ARHGAP25: variants seen among roughly 807,000 people sequenced by gnomAD.
The protein encoded by ARHGAP25 is rho GTPase-activating protein 25.
Under a neutral mutation model 71.0 loss-of-function variants are expected in ARHGAP25, and 34 were observed. The ratio of observed to expected loss-of-function variants is 0.48; its 90% CI spans 0.36 to 0.64. The LOEUF (loss-of-function observed/expected upper bound fraction) is 0.64, where lower values mean the gene tolerates loss of function less well. Ranked by LOEUF, ARHGAP25 falls within the 30% of genes least tolerant of loss-of-function variation. The probability of loss-of-function intolerance (pLI) is 0.00; values close to 1 mark genes in which losing one functional copy is unlikely to be tolerated. For synonymous variants in ARHGAP25, 282 were observed against 296.5 expected, an observed-to-expected ratio of 0.95 and a Z score of 0.50; for missense variants, 706 against 805.1, an observed-to-expected ratio of 0.88 and a Z score of 1.49.
chr2:68,805,726 G>A (rs1327726864), intron 4 of ARHGAP25, among the ~76,000 whole-genome samples: 1 of 152,172 alleles, frequency 6.6e-6, no homozygotes, highest in African/African-American at 2.4e-5. Flanking sequence ...CAAGAGCCTG[G>A]TACAGCTCTA....
chr2:68,778,299 A>G (rs1388743999), intron 2 of ARHGAP25, among the ~76,000 whole-genome samples: 1 of 152,172 alleles, frequency 6.6e-6, no homozygotes, highest in African/African-American at 2.4e-5. Flanking sequence ...TGTCCATAAC[A>G]TTACTGTCTT....
intron 4 of ARHGAP25, among the ~76,000 whole-genome samples, chr2:68,806,671 A>G (rs746810428): frequency 2.2e-4 from 34 of 152,246 alleles, no homozygotes; most frequent in Non-Finnish European, 4.6e-4. Flanking sequence ...ACTCAGAATG[A>G]CATGCAATTT....
rs764830097 is a variant in ARHGAP25, at chr2:68,822,689, C to G, written c.1550C>G (p.Ala517Gly). 1.2e-6 allele frequency: 2 copies of G among 1,614,028 alleles called. No homozygotes were observed. The highest frequency in any genetic ancestry group is 3.3e-5 in the Admixed American group (2 of 60,002). The change falls in exon 10 of 11, where the codon GCC becomes GGC. Residue 517 changes from alanine to glycine, a missense_variant. By Grantham distance (60) the Ala-to-Gly change is moderately conservative. Transcript: ENST00000409202. ...PSLPGSPGEE[A>G]SALSSQACDS... ...CTGCCAGGGTCCCCTGGGGAGGAAGCCAGTGCACTCTCTTCCCAAGCCTGT... is the reference window on the plus strand; with the variant it reads ...CTGCCAGGGTCCCCTGGGGAGGAAGGCAGTGCACTCTCTTCCCAAGCCTGT...
intron 9 of ARHGAP25, among the ~76,000 whole-genome samples, chr2:68,821,676 G>T (rs1681681080): frequency 6.6e-6 from 1 of 152,100 alleles, no homozygotes; most frequent in African/African-American, 2.4e-5. Flanking sequence ...GTGAGAACTG[G>T]CATTTCAGTA....
Position 68,807,484 on chromosome 2 carries a change from C to A in ARHGAP25, c.674+4C>A. On this transcript the variant is annotated splice_donor_region_variant and intron_variant, in intron 5 of 10. Coordinates refer to ENST00000409202, the MANE Select transcript of ARHGAP25 (RefSeq NM_001007231.3). ...GGGAGCGGCCCTCCTTTGACAGGTA[C>A]ATTGCCCCACTGCAGTGTCCCACCT... The A allele has an allele frequency of 6.2e-7, 1 of 1,613,692 alleles. No individual in the cohort carries two copies. The highest frequency in any genetic ancestry group is 8.5e-7 in the Non-Finnish European group (1 of 1,179,776).
intron 9 of ARHGAP25, among the ~76,000 whole-genome samples, chr2:68,821,942 G>A (rs1395593038): frequency 7.5e-6 from 1 of 133,822 alleles, no homozygotes; most frequent in Non-Finnish European, 1.6e-5. Flanking sequence ...TTGGCATGTG[G>A]TGATTTGTTC....
chr2:68,747,837 A>T (rs891434695), intron 1 of ARHGAP25, among the ~76,000 whole-genome samples: 15 of 152,106 alleles, frequency 9.9e-5, no homozygotes, highest in African/African-American at 3.4e-4. Flanking sequence ...AGACTTTTGG[A>T]TTCACCACCA....
intron 1 of ARHGAP25, among the ~76,000 whole-genome samples, chr2:68,752,356 A>G (rs1037345646): frequency 1.3e-5 from 2 of 151,608 alleles, no homozygotes; most frequent in African/African-American, 4.9e-5. Flanking sequence ...AATGCCATTT[A>G]AAGGAGACAC....
intron 1 of ARHGAP25, chr2:68,774,994 C>A (rs1337035998): frequency 6.9e-7 from 1 of 1,444,874 alleles, no homozygotes; most frequent in East Asian, 2.5e-5. Context: ...CCACCGACTG[C>A]AGCCTGGGTT....
chr2:68,712,848 G>A (rs1234013336), intron 2 of ARHGAP25, among the ~76,000 whole-genome samples: 1 of 152,098 alleles, frequency 6.6e-6, no homozygotes, highest in African/African-American at 2.4e-5. Context: ...TGAGGACTCT[G>A]TTCTGTTCCA....
chr2:68,774,501 T>G (rs1573496256), intron 1 of ARHGAP25, among the ~76,000 whole-genome samples: 1 of 152,302 alleles, frequency 6.6e-6, no homozygotes, highest in East Asian at 1.9e-4. Flanking sequence ...ACGATCTAAC[T>G]GTAAAGGTCA....
chr2:68,822,321 A>C lies in ARHGAP25; in HGVS notation c.1201-19A>C. ...GAGGTGAAAACCCCATGTGACATCC[A>C]TGGCCATTTCTTTTCTAGACAAGCG... On this transcript the variant is annotated intron_variant, in intron 9 of 10. Transcript: ENST00000409202. 1.9e-6 allele frequency: 3 copies of C among 1,541,592 alleles called. No homozygotes were observed. The highest frequency in any genetic ancestry group is 8.9e-7 in the Non-Finnish European group (1 of 1,124,348).
Position 68,787,935 on chromosome 2 carries a change from G to C in ARHGAP25, c.445G>C (p.Val149Leu). ...MEEWVKFLRR[V>L]AGTPCGAVFG... The stretch of plus-strand genomic sequence containing the variant: ...GGAGTGGGTTAAATTCCTCAGGAGA[G>C]TTGCTGGCACACCCTGTGGAGGTAA... The change falls in exon 4 of 11, where the codon GTT becomes CTT. Residue 149 changes from valine to leucine, a missense_variant. Physicochemically the swap from Val to Leu is conservative, Grantham distance 32. Transcript: ENST00000409202. 1.9e-6 allele frequency: 3 copies of C among 1,614,202 alleles called. No homozygotes were observed. Among genetic ancestry groups the C allele is most frequent in the Non-Finnish European group, 2.5e-6 (3 of 1,180,018 alleles).
At chr2:68,773,848 C>T (rs897333454) in intron 1 of ARHGAP25, among the ~76,000 whole-genome samples, 7 of 152,128 alleles carry the variant, frequency 4.6e-5, no homozygotes, top group African/African-American at 1.7e-4. Context: ...ATATACTTAC[C>T]TTTGACCAGG....
intron 2 of ARHGAP25, among the ~76,000 whole-genome samples, chr2:68,711,676 C>T (rs1185668312): frequency 1.4e-5 from 2 of 147,732 alleles, no homozygotes; most frequent in Admixed American, 6.8e-5. Context: ...CCCAGCCACC[C>T]ACCCCCCGCA....
intron 4 of ARHGAP25, among the ~76,000 whole-genome samples, chr2:68,789,232 G>C (rs1416247105): frequency 6.6e-6 from 1 of 152,012 alleles, no homozygotes; most frequent in South Asian, 2.1e-4. Flanking sequence ...TAGAGACGGG[G>C]TTTCACCATG....
At chr2:68,816,433 G>A (rs1371637971) in intron 7 of ARHGAP25, 71 bp downstream of exon 7, 3 of 1,277,568 alleles carry the variant, frequency 2.3e-6, no homozygotes, top group Non-Finnish European at 3.4e-6. Flanking sequence ...TAGAAGAGGA[G>A]GGACCACGTC....
At chr2:68,723,148 A>C (rs768420705) in intron 2 of ARHGAP25, among the ~76,000 whole-genome samples, 15 of 152,244 alleles carry the variant, frequency 9.9e-5, no homozygotes, top group Non-Finnish European at 1.8e-4. Context: ...CATGGGAGGC[A>C]GTGGTCATAA....
At chr2:68,789,752 A>G (rs1028984875) in intron 4 of ARHGAP25, among the ~76,000 whole-genome samples, 8 of 152,130 alleles carry the variant, frequency 5.3e-5, no homozygotes, top group African/African-American at 1.7e-4. Flanking sequence ...GTGTACTTTC[A>G]CTAGGTTCTG....
Sources: allele counts gnomAD v4.1 joint callset (sites outside exome capture counted in the v4.1 genomes callset), GRCh38; gene constraint gnomAD v4.1.1; transcripts MANE v1.5; gene names NCBI Gene and HGNC (gene_info 2026-07-23, HGNC 2026-07-21).